The following KIAA0232 variants were observed in gnomAD, a reference collection of about 807,000 sequenced individuals.
The protein encoded by KIAA0232 is KIAA0232.
KIAA0232 carries 27 observed loss-of-function variants against 122.0 expected under a neutral mutation model. That is an observed-to-expected ratio of 0.22 (90% CI 0.16 to 0.31). KIAA0232 has a LOEUF of 0.31. Ranked by LOEUF, KIAA0232 falls within the 10% of genes least tolerant of loss-of-function variation. The pLI, the probability that KIAA0232 is intolerant of heterozygous loss-of-function variation, is 1.00. For synonymous variants in KIAA0232, 613 were observed against 587.6 expected, an observed-to-expected ratio of 1.04 and a Z score of -0.63; for missense variants, 1,551 against 1,634.2, an observed-to-expected ratio of 0.95 and a Z score of 0.88.
At position 6,862,244 on chromosome 4, in the gene KIAA0232, C is replaced by G; in HGVS notation, c.1862C>G (p.Thr621Arg). ...PVRLSPILDS[T>R]VLNSHLLAGN... ...AGACTCTCTCCCATCTTAGACAGCA[C>G]AGTGCTCAATTCACACCTGCTTGCT... The change falls in exon 7 of 10, where the codon ACA (threonine) becomes AGA (arginine). Residue 621 changes from threonine (T) to arginine (R), a missense_variant. This residue lies in a region of KIAA0232 where 1,108 missense variants were observed against 1,154.8 expected (regional missense o/e 0.96). Transcript: ENST00000307659. 6.2e-7 allele frequency: 1 copy of G among 1,614,148 alleles called. No individual in the cohort carries two copies. Among genetic ancestry groups the G allele is most frequent in the Non-Finnish European group, 8.5e-7 (1 of 1,180,034 alleles).
intron 3 of KIAA0232, among the ~76,000 whole-genome samples, chr4:6,832,303 T>C (rs1719028743): frequency 6.6e-6 from 1 of 152,136 alleles, no homozygotes; most frequent in African/African-American, 2.4e-5. Context: ...TACTTGTGAT[T>C]TAATTATGTC....
intron 3 of KIAA0232, 83 bp downstream of exon 3, chr4:6,824,767 T>G (rs1560175992): frequency 8.8e-7 from 1 of 1,141,088 alleles, no homozygotes; most frequent in Non-Finnish European, 1.3e-6. Flanking sequence ...TTTTATACTT[T>G]AAAACTGAGC....
chr4:6,846,771 A>G lies in KIAA0232; in HGVS notation c.369+4567A>G, dbSNP rs55844806. Among the ~76,000 whole-genome samples, 874 of 152,080 alleles carry G rather than the reference A, an allele frequency of 5.7e-3. 5 individuals are homozygous for G. Among genetic ancestry groups the G allele is most frequent in the Non-Finnish European group, 9.8e-3 (667 of 67,996 alleles). On this transcript the variant is annotated intron_variant, in intron 4 of 9. Transcript: ENST00000307659. Reference sequence around the variant, plus strand: ...CTGGGTTTCTTTTTATAATCTGTCTATTGGCTTCAATGGAAAGAAAGGAGC... The same window carrying G: ...CTGGGTTTCTTTTTATAATCTGTCTGTTGGCTTCAATGGAAAGAAAGGAGC...
At chr4:6,875,441 T>C (rs918353750) in intron 8 of KIAA0232, among the ~76,000 whole-genome samples, 1 of 152,242 alleles carries the variant, frequency 6.6e-6, no homozygotes, top group Admixed American at 6.5e-5. Flanking sequence ...CCTCAACTAG[T>C]AACTTGGAGT....
chr4:6,806,737 CAAAAAAAAAAA>C (rs34146483), intron 2 of KIAA0232, among the ~76,000 whole-genome samples: 12 of 47,664 alleles, frequency 2.5e-4, no homozygotes, highest in South Asian at 2.6e-3. Context: ...GACTCCCTCT[CAAAAAAAAAAA>C]AAAAAAAAAA....
intron 1 of KIAA0232, among the ~76,000 whole-genome samples, chr4:6,787,859 T>C (rs1716699404): frequency 6.6e-6 from 1 of 152,206 alleles, no homozygotes. Flanking sequence ...ACCTGAGGGA[T>C]ACGACAGTTT....
rs145507094 is a variant in KIAA0232, at chr4:6,831,009, T to C, written c.231+6325T>C. 2.1e-3 allele frequency among the ~76,000 whole-genome samples: 327 copies of C among 152,182 alleles called. 1 individual carries two copies. Among genetic ancestry groups the C allele is most frequent in the African/African-American group, 7.2e-3 (299 of 41,552 alleles). The stretch of plus-strand genomic sequence containing the variant: ...CCTGTCTAACTACCTTTGTACAAAG[T>C]AGTGCTTTCTTTCTCTTTTTTTTTA... On this transcript the variant is annotated intron_variant, in intron 3 of 9. Coordinates refer to ENST00000307659, the MANE Select transcript of KIAA0232 (RefSeq NM_014743.3).
intron 2 of KIAA0232, among the ~76,000 whole-genome samples, chr4:6,810,314 C>T (rs570257610): frequency 2.0e-5 from 3 of 152,152 alleles, no homozygotes; most frequent in South Asian, 4.1e-4. Context: ...CTACCAACAA[C>T]ATACATCAGA....
At chr4:6,835,899 T>C (rs1322748608) in intron 3 of KIAA0232, among the ~76,000 whole-genome samples, 1 of 152,256 alleles carries the variant, frequency 6.6e-6, no homozygotes, top group Non-Finnish European at 1.5e-5. Context: ...TCCATGTCTT[T>C]GCTATTGTGA....
intron 1 of KIAA0232, among the ~76,000 whole-genome samples, chr4:6,798,163 C>A (rs930381916): frequency 2.6e-5 from 4 of 152,090 alleles, no homozygotes; most frequent in Non-Finnish European, 4.4e-5. Flanking sequence ...AGATAGGGCA[C>A]ATACATGATG....
rs753134331 is a variant in KIAA0232, at chr4:6,863,132, C to A, written c.2750C>A (p.Pro917His). ...GGTGATTATACAACACCCTCTAAAC[C>A]CTGGGATGTAGCCCAAGATAAAGAA... The part of the protein sequence containing the change: ...DGGDYTTPSK[P>H]WDVAQDKENT... Residue 917 changes from proline (P) to histidine (H), a missense_variant, in exon 7 of 10, where the codon CCC (proline) becomes CAC (histidine). Coordinates refer to ENST00000307659, the MANE Select transcript of KIAA0232 (RefSeq NM_014743.3). The A allele has an allele frequency of 2.5e-6, 4 of 1,614,126 alleles. No individual in the cohort carries two copies. The East Asian group carries it at 8.9e-5, about 36-fold the overall frequency.
At chr4:6,842,427 C>G (rs887209590) in intron 4 of KIAA0232, among the ~76,000 whole-genome samples, 1 of 152,066 alleles carries the variant, frequency 6.6e-6, no homozygotes, top group African/African-American at 2.4e-5. Flanking sequence ...AGAGTATACA[C>G]AAAATTTTAT....
At chr4:6,860,751 A>G (rs1354358375) in intron 6 of KIAA0232, 150 bp from the exon 7 acceptor site, 7 of 740,810 alleles carry the variant, frequency 9.4e-6, no homozygotes, top group Admixed American at 5.8e-5. Flanking sequence ...TTACTGTATT[A>G]TAAATTATTG....
intron 8 of KIAA0232, among the ~76,000 whole-genome samples, chr4:6,876,327 C>T (rs961113456): frequency 4.6e-5 from 7 of 152,146 alleles, no homozygotes; most frequent in Non-Finnish European, 8.8e-5. Context: ...GTCTCTCTGT[C>T]GTGTGTTCCC....
rs1721481899 is a variant in KIAA0232 at position 6,871,498 on chromosome 4, G to C, written c.3802-76G>C. 26 of 833,980 alleles carry C rather than the reference G, an allele frequency of 3.1e-5. No individual in the cohort carries two copies. In the South Asian group the frequency reaches 4.0e-4, roughly 13 times the overall value. The allele number at this position is 833,980 out of a possible 1,614,324, so 51.7% of individuals were successfully genotyped here. On this transcript the variant is annotated intron_variant, in intron 7 of 9. Coordinates refer to ENST00000307659, the MANE Select transcript of KIAA0232 (RefSeq NM_014743.3). ...AAAAGTTCTGGGTTTATAATCTGTA[G>C]TTAATAATGCTTGAATATTCTTCCT... is the stretch of plus-strand genomic sequence containing the variant.
At position 6,861,285 on chromosome 4, in the gene KIAA0232, G is replaced by C. The variant is rs1720843444; in HGVS notation, c.903G>C (p.Gly301=). 5.0e-6 allele frequency: 8 copies of C among 1,614,132 alleles called. No homozygotes were observed. The highest frequency in any genetic ancestry group is 5.9e-6 in the Non-Finnish European group (7 of 1,180,044). Residue 301 remains glycine (G), a synonymous_variant, in exon 7 of 10, where the codon GGG becomes GGC. Transcript: ENST00000307659. ...GSSEAGSSSS[G]NQGELKASMK... is the part of the protein sequence containing the mutation. ...GTGAAGCAGGCTCAAGTTCCAGTGGGAATCAGGGAGAATTAAAAGCATCCA... is the reference window on the plus strand; with the variant it reads ...GTGAAGCAGGCTCAAGTTCCAGTGGCAATCAGGGAGAATTAAAAGCATCCA...
chr4:6,822,018 A>C (rs1718448284), intron 2 of KIAA0232, among the ~76,000 whole-genome samples: 1 of 151,540 alleles, frequency 6.6e-6, no homozygotes, highest in Non-Finnish European at 1.5e-5. Flanking sequence ...GTGCTTTAAA[A>C]TTTTTCTGTT....
intron 2 of KIAA0232, among the ~76,000 whole-genome samples, chr4:6,813,180 A>G (rs1353301631): frequency 6.6e-6 from 1 of 152,182 alleles, no homozygotes; most frequent in Non-Finnish European, 1.5e-5. Context: ...TTCTCGGAAC[A>G]TTATTACATA....
At chr4:6,845,396 G>C (rs940820007) in intron 4 of KIAA0232, among the ~76,000 whole-genome samples, 2 of 152,080 alleles carry the variant, frequency 1.3e-5, no homozygotes, top group Non-Finnish European at 2.9e-5. Context: ...GGGTCTCCCT[G>C]TGTTGCCCAG....
Sources: allele counts gnomAD v4.1 joint callset (sites outside exome capture counted in the v4.1 genomes callset), GRCh38; gene constraint gnomAD v4.1.1; regional missense constraint gnomAD v4.1.1; transcripts MANE v1.5; gene names NCBI Gene and HGNC (gene_info 2026-07-23, HGNC 2026-07-21).